CORO2B: variants seen among roughly 807,000 people sequenced by gnomAD.
CORO2B encodes coronin-2B.
A neutral mutation model predicts 58.8 loss-of-function variants in CORO2B; 26 were observed. That is an observed-to-expected ratio of 0.44 (90% CI 0.32 to 0.61). CORO2B has a LOEUF of 0.61. CORO2B is among the 20% of genes least tolerant of loss of function. The pLI is 0.04. For synonymous variants in CORO2B, 242 were observed against 253.8 expected (o/e 0.95, Z 0.44); for missense variants, 460 against 645.1 (o/e 0.71, Z 3.11).
At chr15:68,669,173 G>T (rs891210255) in intron 2 of CORO2B, among the ~76,000 whole-genome samples, 19 of 148,264 alleles carry the variant, frequency 1.3e-4, no homozygotes, top group Admixed American at 9.5e-4. Context: ...AGAAAGAAAA[G>T]AAAAGAAAGA....
At chr15:68,693,426 C>T (rs1383586965) in intron 2 of CORO2B, among the ~76,000 whole-genome samples, 1 of 152,218 alleles carries the variant, frequency 6.6e-6, no homozygotes, top group African/African-American at 2.4e-5. Flanking sequence ...CTGAAGGAGA[C>T]AGCGGTATAA....
chr15:68,521,005 T>C, the CORO2B span, among the ~76,000 whole-genome samples: 23,380 of 151,958 alleles, frequency 0.15, 2,390 homozygotes, highest in African/African-American at 0.28. Context: ...GCCAAGATCA[T>C]GCCACTGCAC....
chr15:68,587,233 C>A (rs546454314), intron 1 of CORO2B, among the ~76,000 whole-genome samples: 1 of 152,146 alleles, frequency 6.6e-6, no homozygotes, highest in African/African-American at 2.4e-5. Context: ...TAAGTGTCTG[C>A]AGTTTGGTGT....
chr15:68,595,799 G>A lies in CORO2B; in HGVS notation c.15+16522G>A, dbSNP rs1055124904. Among the ~76,000 whole-genome samples the A allele has an allele frequency of 5.3e-5, 8 of 152,322 alleles. No homozygotes were observed. In the South Asian group the frequency reaches 1.0e-3, roughly 20 times the overall value. ...GTTGAATTCTGCCTGGGAGGCAGAC[G>A]GGCAAACAAATACGGATGAAGCCAT... On this transcript the variant is annotated intron_variant, in intron 1 of 11. Coordinates refer to ENST00000261861, the MANE Select transcript of CORO2B (RefSeq NM_006091.5).
intron 1 of CORO2B, among the ~76,000 whole-genome samples, chr15:68,617,893 G>A (rs1900407041): frequency 6.6e-6 from 1 of 152,080 alleles, no homozygotes; most frequent in Non-Finnish European, 1.5e-5. Flanking sequence ...TTGAATCTTA[G>A]GCTACTGGAA....
At chr15:68,542,862 A>C in the CORO2B span, among the ~76,000 whole-genome samples, 3 of 152,240 alleles carry the variant, frequency 2.0e-5, no homozygotes, top group Admixed American at 2.0e-4. Flanking sequence ...GAGCAGCCCT[A>C]GTGTCTGCCC....
rs529559150 is a variant in CORO2B at position 68,710,777 on chromosome 15, A to G, written c.379A>G (p.Thr127Ala). ...CGAGGGCGGGCTGAAGCGGAACATG[A>G]CGGAGGCGCTCCTGGAGCTGCACGG... ...IPEGGLKRNM[T>A]EALLELHGHS... is the part of the protein sequence containing the mutation. Residue 127 changes from threonine (T) to alanine (A), a missense_variant, in exon 4 of 12, where the codon ACG (threonine) becomes GCG (alanine). By Grantham distance (58) the Thr-to-Ala change is moderately conservative. Around this residue, in one of 2 missense-constraint regions of CORO2B, gnomAD observed 352 missense variants for 543.0 expected, o/e 0.65. Coordinates refer to ENST00000261861, the MANE Select transcript of CORO2B (RefSeq NM_006091.5). This position sits in a 1 kb window ranked among gnomAD's most constrained non-coding sequence, Gnocchi z 4.1. The G allele has an allele frequency of 3.7e-6, 6 of 1,612,250 alleles. No individual in the cohort carries two copies. The highest frequency in any genetic ancestry group is 5.1e-6 in the Non-Finnish European group (6 of 1,179,340).
intron 3 of CORO2B, among the ~76,000 whole-genome samples, chr15:68,700,051 A>G (rs1333166815): frequency 6.6e-6 from 1 of 152,150 alleles, no homozygotes; most frequent in Non-Finnish European, 1.5e-5. Context: ...CAGGGGGTGG[A>G]CAGGAGGTCA....
chr15:68,660,122 A>G (rs550946103), intron 2 of CORO2B, among the ~76,000 whole-genome samples: 1 of 152,266 alleles, frequency 6.6e-6, no homozygotes, highest in African/African-American at 2.4e-5. Flanking sequence ...AAATGTTTCT[A>G]TATGGTACCA....
chr15:68,544,775 C>CTT, the CORO2B span, among the ~76,000 whole-genome samples: 8 of 140,814 alleles, frequency 5.7e-5, no homozygotes, highest in African/African-American at 1.8e-4. Flanking sequence ...CATACACATT[C>CTT]TTTTTTTTTT....
At chr15:68,723,414 G>A (rs115295104) in intron 11 of CORO2B, among the ~76,000 whole-genome samples, 2,635 of 151,588 alleles carry the variant, frequency 0.017, 89 homozygotes, top group African/African-American at 0.061. Flanking sequence ...GAGCCACGGC[G>A]CCCAGCCAAT....
intron 1 of CORO2B, among the ~76,000 whole-genome samples, chr15:68,596,432 G>C (rs1388139276): frequency 6.6e-6 from 1 of 151,886 alleles, no homozygotes; most frequent in Non-Finnish European, 1.5e-5. Context: ...GGGATCTAGG[G>C]GGATCTTTCT....
intron 2 of CORO2B, among the ~76,000 whole-genome samples, chr15:68,673,730 A>G (rs1902479941): frequency 6.6e-6 from 1 of 150,656 alleles, no homozygotes; most frequent in African/African-American, 2.4e-5. Flanking sequence ...CCAGCTACTC[A>G]GGAGGCTGAG....
intron 3 of CORO2B, among the ~76,000 whole-genome samples, chr15:68,697,388 A>G (rs1478418717): frequency 1.3e-5 from 2 of 152,256 alleles, no homozygotes; most frequent in Non-Finnish European, 2.9e-5. Flanking sequence ...AAACACATGA[A>G]CAAGTAAATT....
chr15:68,606,883 C>A (rs1900137517), intron 1 of CORO2B, among the ~76,000 whole-genome samples: 1 of 152,134 alleles, frequency 6.6e-6, no homozygotes, highest in African/African-American at 2.4e-5. Context: ...ACAGGGCAGG[C>A]ACTTCGTAGG....
chr15:68,634,365 T>C (rs1332043269), intron 1 of CORO2B, among the ~76,000 whole-genome samples: 1 of 152,186 alleles, frequency 6.6e-6, no homozygotes, highest in Non-Finnish European at 1.5e-5. Context: ...CAAAGCACTT[T>C]TGAAGGTGCA....
the CORO2B span, among the ~76,000 whole-genome samples, chr15:68,520,015 T>G: frequency 6.6e-6 from 1 of 152,264 alleles, no homozygotes; most frequent in African/African-American, 2.4e-5. Context: ...ATTTCTGTTG[T>G]GATTTTTTAA....
intron 1 of CORO2B, among the ~76,000 whole-genome samples, chr15:68,643,355 C>T (rs1051801172): frequency 6.6e-6 from 1 of 151,900 alleles, no homozygotes; most frequent in East Asian, 1.9e-4. Context: ...GAAGGCCTTG[C>T]CTGAGGTCAC....
At chr15:68,722,699 G>C (rs1052490096) in intron 11 of CORO2B, among the ~76,000 whole-genome samples, 1 of 152,236 alleles carries the variant, frequency 6.6e-6, no homozygotes, top group Non-Finnish European at 1.5e-5. Context: ...CCTCTCAACA[G>C]ATGTAACTGG....
Sources: gnomAD v4.1 joint callset for allele counts (sites outside exome capture counted in the v4.1 genomes callset) on GRCh38, gnomAD v4.1.1 for gene constraint, gnomAD v4.1.1 regional missense constraint, Gnocchi (gnomAD v3.1) non-coding constraint, MANE v1.5 for transcripts, NCBI Gene and HGNC (gene_info 2026-07-23, HGNC 2026-07-21) for gene names.